Variants in FERRY3 observed in about 807,000 individuals in gnomAD.
FERRY3 encodes the protein FERRY endosomal RAB5 effector complex subunit 3.
the FERRY3 span, among the ~76,000 whole-genome samples, chr12:4,516,767 C>T: frequency 1.3e-5 from 2 of 151,934 alleles, no homozygotes; most frequent in African/African-American, 2.4e-5. Flanking sequence ...AATACCTAGG[C>T]GATGGGTTGA....
the FERRY3 span, among the ~76,000 whole-genome samples, chr12:4,520,756 A>C: frequency 1.8e-4 from 28 of 152,232 alleles, no homozygotes; most frequent in East Asian, 1.9e-3. Flanking sequence ...CCTATTCCCC[A>C]AAAACCTACT....
chr12:4,514,850 G>A, the FERRY3 span, among the ~76,000 whole-genome samples: 2 of 149,876 alleles, frequency 1.3e-5, no homozygotes, highest in African/African-American at 4.9e-5. Context: ...TAACTAACCT[G>A]CACAATGTGC....
the FERRY3 span, chr12:4,509,445 G>C: frequency 6.6e-6 from 1 of 151,012 alleles, no homozygotes; most frequent in Admixed American, 6.6e-5. Context: ...TCTGGGGGCA[G>C]GGCACAGACA....
chr12:4,523,726 G>T, the FERRY3 span, among the ~76,000 whole-genome samples: 1 of 152,062 alleles, frequency 6.6e-6, no homozygotes, highest in Non-Finnish European at 1.5e-5. Flanking sequence ...ACCAAACACC[G>T]CATGTTCTCA....
chr12:4,522,724 T>G, the FERRY3 span, among the ~76,000 whole-genome samples: 2 of 152,210 alleles, frequency 1.3e-5, no homozygotes, highest in Admixed American at 1.3e-4. Flanking sequence ...CAAGACCTGT[T>G]CATGAAAGTT....
chr12:4,511,776 A>G, the FERRY3 span, among the ~76,000 whole-genome samples: 1 of 142,908 alleles, frequency 7.0e-6, no homozygotes, highest in South Asian at 2.2e-4. Flanking sequence ...AAATGCCCAC[A>G]AGAGAAAGCA....
At chr12:4,518,569 T>C in the FERRY3 span, among the ~76,000 whole-genome samples, 1 of 152,150 alleles carries the variant, frequency 6.6e-6, no homozygotes, top group African/African-American at 2.4e-5. Context: ...ATAAAAAAAG[T>C]TGCAGCGGTC....
chr12:4,500,146 T>TATC, the FERRY3 span: 1 of 1,612,712 alleles, frequency 6.2e-7, no homozygotes, highest in Admixed American at 1.7e-5. Flanking sequence ...ACCTCTGACA[T>TATC]ATCATGTACC....
the FERRY3 span, among the ~76,000 whole-genome samples, chr12:4,526,477 G>C: frequency 6.6e-6 from 1 of 152,130 alleles, no homozygotes; most frequent in Non-Finnish European, 1.5e-5. Flanking sequence ...AACAAACTGG[G>C]AAAGAACAAA....
chr12:4,525,225 T>C, the FERRY3 span: 4 of 1,604,816 alleles, frequency 2.5e-6, no homozygotes, highest in Non-Finnish European at 3.4e-6. Context: ...TGGACTACTA[T>C]ATGAATAAGA....
chr12:4,518,659 A>G, the FERRY3 span: 3 of 680,274 alleles, frequency 4.4e-6, no homozygotes, highest in Non-Finnish European at 6.9e-6. Flanking sequence ...GGGGTTCAAG[A>G]CCAGCCTGGG....
the FERRY3 span, among the ~76,000 whole-genome samples, chr12:4,519,752 G>A: frequency 9.8e-3 from 1,497 of 152,280 alleles, 24 homozygotes; most frequent in African/African-American, 0.034. The surrounding 1 kb of genome is among the most constrained non-coding windows in gnomAD (Gnocchi z 4.3). Context: ...CCTCCCATCC[G>A]CTCAGCGGCA....
the FERRY3 span, among the ~76,000 whole-genome samples, chr12:4,513,803 C>T: frequency 6.6e-6 from 1 of 152,014 alleles, no homozygotes; most frequent in Non-Finnish European, 1.5e-5. Flanking sequence ...AGAAAAAAAC[C>T]TAGGCATTAC....
At chr12:4,502,873 T>G in the FERRY3 span, among the ~76,000 whole-genome samples, 1 of 152,160 alleles carries the variant, frequency 6.6e-6, no homozygotes, top group Non-Finnish European at 1.5e-5. The surrounding 1 kb of genome is among the most constrained non-coding windows in gnomAD (Gnocchi z 4.2). Context: ...GCAACAGATA[T>G]ATCACAATAA....
At chr12:4,500,502 C>T in the FERRY3 span, among the ~76,000 whole-genome samples, 1 of 152,078 alleles carries the variant, frequency 6.6e-6, no homozygotes, top group Non-Finnish European at 1.5e-5. Context: ...TACTGCTCTT[C>T]AATTCTCAGA....
the FERRY3 span, among the ~76,000 whole-genome samples, chr12:4,530,786 C>T: frequency 2.6e-5 from 4 of 152,176 alleles, no homozygotes; most frequent in East Asian, 7.7e-4. Flanking sequence ...AATGGGAATG[C>T]CCTCAGCACA....
the FERRY3 span, among the ~76,000 whole-genome samples, chr12:4,500,861 T>C: frequency 3.9e-5 from 6 of 152,112 alleles, no homozygotes; most frequent in South Asian, 4.1e-4. Flanking sequence ...CCATGTTGGC[T>C]AGGATGGCCT....
At chr12:4,506,104 A>G in the FERRY3 span, among the ~76,000 whole-genome samples, 3 of 152,140 alleles carry the variant, frequency 2.0e-5, no homozygotes, top group African/African-American at 7.2e-5. Flanking sequence ...CTGAATGCAA[A>G]TTATTTTACA....
chr12:4,505,049 G>A, the FERRY3 span, among the ~76,000 whole-genome samples: 1 of 152,202 alleles, frequency 6.6e-6, no homozygotes, highest in Admixed American at 6.5e-5. Flanking sequence ...AGGTTGCAGT[G>A]AACTGAGATC....
Sources: gnomAD v4.1 joint callset for allele counts (sites outside exome capture counted in the v4.1 genomes callset) on GRCh38, gnomAD v4.1.1 for gene constraint, Gnocchi (gnomAD v3.1) non-coding constraint, MANE v1.5 for transcripts, NCBI Gene and HGNC (gene_info 2026-07-23, HGNC 2026-07-21) for gene names.